Variants in CLEC19A observed in about 807,000 individuals in gnomAD.
The protein encoded by CLEC19A is C-type lectin domain containing 19A.
In CLEC19A, 21 loss-of-function variants were observed where a neutral mutation model predicts 26.1. The ratio of observed to expected loss-of-function variants is 0.80; its 90% CI spans 0.57 to 1.16. CLEC19A has a LOEUF of 1.16. Among genes scored for constraint, CLEC19A ranks in the 50% most tolerant of loss-of-function variants. The probability of loss-of-function intolerance (pLI) is 0.00; values close to 1 mark genes in which losing one functional copy is unlikely to be tolerated. For synonymous variants in CLEC19A, 89 were observed against 88.6 expected (o/e 1.00, Z -0.03); for missense variants, 224 against 227.6 (o/e 0.98, Z 0.10).
intron 1 of CLEC19A, among the ~76,000 whole-genome samples, chr16:19,286,722 T>A (rs1897477852): frequency 6.6e-6 from 1 of 152,218 alleles, no homozygotes; most frequent in African/African-American, 2.4e-5. Flanking sequence ...CTTGTTTATG[T>A]TCATATATGG....
intron 3 of CLEC19A, among the ~76,000 whole-genome samples, chr16:19,306,308 G>T (rs1897953265): frequency 6.6e-6 from 1 of 151,752 alleles, no homozygotes; most frequent in South Asian, 2.1e-4. Context: ...ACCACACCTG[G>T]ATTGTTTTTT....
At chr16:19,301,735 G>GTTTTTTTTTTT (rs750529291) in intron 2 of CLEC19A, among the ~76,000 whole-genome samples, 1,414 of 34,780 alleles carry the variant, frequency 0.041, 116 homozygotes, top group East Asian at 0.046. Flanking sequence ...AGGTTTTTTT[G>GTTTTTTTTTTT]GTTTTTTTTT....
chr16:19,304,363 G>A (rs1239962663), intron 3 of CLEC19A: 10 of 421,932 alleles, frequency 2.4e-5, no homozygotes, highest in Non-Finnish European at 3.8e-5. Flanking sequence ...CAGATAGCAT[G>A]GTCAGAGAAA....
intron 1 of CLEC19A, among the ~76,000 whole-genome samples, chr16:19,288,551 C>G (rs890579758): frequency 1.3e-5 from 2 of 151,996 alleles, no homozygotes; most frequent in African/African-American, 2.4e-5. Flanking sequence ...TCAGCCACCC[C>G]CTATGTTTTG....
At chr16:19,288,958 C>T (rs1034434001) in intron 1 of CLEC19A, among the ~76,000 whole-genome samples, 1 of 152,118 alleles carries the variant, frequency 6.6e-6, no homozygotes, top group African/African-American at 2.4e-5. Flanking sequence ...GTTCTGTGAC[C>T]CAGACTGTTT....
At chr16:19,304,314 G>T in intron 3 of CLEC19A, 159 bp downstream of exon 3, 1 of 574,236 alleles carries the variant, frequency 1.7e-6, no homozygotes, top group African/African-American at 1.9e-5. Context: ...TGACCAATTT[G>T]TGAAAGACAT....
Position 19,304,106 on chromosome 16 carries a change from T to TA in CLEC19A, c.299_300insA (p.Pro101SerfsTer6). On this transcript the variant is annotated frameshift_variant, in exon 3 of 5. Transcript: ENST00000636231. LOFTEE classifies it high-confidence loss of function. ...GTATATGACCTCGTGAACAGCTGTGTTCCCGGCATCCCAGCTGACGTCTGG... is the reference window on the plus strand; with the variant it reads ...GTATATGACCTCGTGAACAGCTGTGTATCCCGGCATCCCAGCTGACGTCTGG... 6.4e-7 allele frequency: 1 copy of TA among 1,550,594 alleles called. No individual in the cohort carries two copies. The highest frequency in any genetic ancestry group is 2.4e-5 in the East Asian group (1 of 40,918).
chr16:19,293,060 C>A (rs1224526016), intron 1 of CLEC19A, among the ~76,000 whole-genome samples: 1 of 152,090 alleles, frequency 6.6e-6, no homozygotes, highest in African/African-American at 2.4e-5. Context: ...AAAGAACAGA[C>A]TGAATTAGAG....
intron 4 of CLEC19A, 78 bp from the exon 5 acceptor site, chr16:19,308,926 A>T: frequency 8.6e-7 from 1 of 1,167,048 alleles, no homozygotes; most frequent in Non-Finnish European, 1.2e-6. Context: ...GATGGCTTTT[A>T]CTTCAGAGGA....
chr16:19,303,113 G>C (rs1358018947), intron 2 of CLEC19A, among the ~76,000 whole-genome samples: 2 of 152,210 alleles, frequency 1.3e-5, no homozygotes, highest in African/African-American at 4.8e-5. Flanking sequence ...ATCTGCCCCA[G>C]TGCCTGGTTG....
intron 3 of CLEC19A, among the ~76,000 whole-genome samples, chr16:19,306,510 C>A (rs1209509978): frequency 1.3e-5 from 2 of 151,618 alleles, no homozygotes; most frequent in African/African-American, 4.8e-5. Context: ...TTTAAAAACA[C>A]TAAAATGTCC....
At chr16:19,297,554 G>T (rs969146148) in intron 1 of CLEC19A, among the ~76,000 whole-genome samples, 10 of 152,140 alleles carry the variant, frequency 6.6e-5, no homozygotes, top group African/African-American at 2.2e-4. Flanking sequence ...ATTTGTAATA[G>T]TTGAAAAAAC....
rs958144679 is a variant in CLEC19A, at chr16:19,307,765, G to A, written c.481+88G>A. ...GCGGAGAAGGGCCTTGGGGGAAGAG[G>A]AGCACCTGATGGCCTGAGACTGGCA... On this transcript the variant is annotated intron_variant, in intron 4 of 4. Transcript: ENST00000636231. The A allele has an allele frequency of 8.0e-6, 12 of 1,504,232 alleles. 1 individual carries two copies. In the African/African-American group the frequency reaches 1.5e-4, roughly 19 times the overall value. 93.2% of individuals were successfully genotyped at this position (1,504,232 alleles called of 1,614,324 possible).
In CLEC19A at chr16:19,285,747, T is replaced by G. The variant is rs1897449067; in HGVS notation, c.-105T>G. 1.1e-6 allele frequency: 1 copy of G among 931,616 alleles called. No individual in the cohort carries two copies. The highest frequency in any genetic ancestry group is 1.7e-6 in the Non-Finnish European group (1 of 593,976). 57.7% of individuals were successfully genotyped at this position (931,616 alleles called of 1,614,324 possible). A position where few individuals can be genotyped will look rare whatever the true frequency, so the allele number is the denominator to read the frequency against. On this transcript the variant is annotated 5_prime_UTR_variant, in exon 1 of 5. Coordinates refer to ENST00000636231, the MANE Select transcript of CLEC19A (RefSeq NM_001256720.2). The stretch of plus-strand genomic sequence containing the variant: ...AGTCCATCCAGTCTGTCCCAGCTCC[T>G]GCCAGGCTCCATCTGACCCTAGGAG...
intron 1 of CLEC19A, among the ~76,000 whole-genome samples, chr16:19,292,480 C>A (rs179207): frequency 0.072 from 10,902 of 152,240 alleles, 514 homozygotes; most frequent in East Asian, 0.27. Context: ...ATGCACACAG[C>A]CTTCTCACCA....
At position 19,290,996 on chromosome 16, in the gene CLEC19A, A is replaced by G. The variant is rs181038035; in HGVS notation, c.88+5057A>G. On this transcript the variant is annotated intron_variant, in intron 1 of 4. Transcript: ENST00000636231. ...TGGGACTACAGGCATGTGCCACCACATATGGCTGATTTACAAAAAGTGTTT... is the reference window on the plus strand; with the variant it reads ...TGGGACTACAGGCATGTGCCACCACGTATGGCTGATTTACAAAAAGTGTTT... Among the ~76,000 whole-genome samples the G allele has an allele frequency of 3.0e-3, 460 of 152,208 alleles. 3 individuals carry two copies. Among genetic ancestry groups the G allele is most frequent in the African/African-American group, 0.01 (420 of 41,530 alleles).
chr16:19,301,208 T>A (rs1192574139), intron 2 of CLEC19A, among the ~76,000 whole-genome samples: 1 of 152,158 alleles, frequency 6.6e-6, no homozygotes, highest in African/African-American at 2.4e-5. Context: ...CTCAGTTGCA[T>A]CAGAAGGACC....
At chr16:19,308,488 G>A (rs1898002480) in intron 4 of CLEC19A, among the ~76,000 whole-genome samples, 1 of 152,204 alleles carries the variant, frequency 6.6e-6, no homozygotes, top group Non-Finnish European at 1.5e-5. Context: ...GCAATCACCA[G>A]CATCATCATG....
At chr16:19,301,782 G>A (rs1313105359) in intron 2 of CLEC19A, among the ~76,000 whole-genome samples, 6 of 116,428 alleles carry the variant, frequency 5.2e-5, no homozygotes, top group Admixed American at 2.1e-4. Context: ...TAGCAGAGAC[G>A]GAGTTTCACC....
Sources: allele counts gnomAD v4.1 joint callset (sites outside exome capture counted in the v4.1 genomes callset), GRCh38; gene constraint gnomAD v4.1.1; transcripts MANE v1.5; gene names NCBI Gene and HGNC (gene_info 2026-07-23, HGNC 2026-07-21).